Variants in GRB10 observed in about 807,000 individuals in gnomAD.
GRB10 encodes the protein growth factor receptor bound protein 10, also known as growth factor receptor-bound protein 10.
GRB10 carries 20 observed loss-of-function variants against 80.9 expected under a neutral mutation model. That is an observed-to-expected ratio of 0.25 (90% CI 0.17 to 0.36). The LOEUF is 0.36. GRB10 is among the 10% of genes least tolerant of loss of function. The pLI, the probability that GRB10 is intolerant of heterozygous loss-of-function variation, is 1.00. For missense variants in GRB10, 548 were observed against 747.7 expected (o/e 0.73, Z 3.12); for synonymous variants, 291 against 291.5 (o/e 1.00, Z 0.02).
intron 5 of GRB10, among the ~76,000 whole-genome samples, chr7:50,701,652 A>G (rs1202264124): frequency 6.6e-6 from 1 of 152,142 alleles, no homozygotes; most frequent in Non-Finnish European, 1.5e-5. Flanking sequence ...TTTTTTCTCA[A>G]TCTTTGCCTG....
rs565628245 is a variant in GRB10 at position 50,645,726 on chromosome 7, G to A, written c.505-18748C>T. 14 of 567,004 alleles carry A rather than the reference G, an allele frequency of 2.5e-5. No homozygotes were observed. The East Asian group carries it at 1.3e-3, about 52-fold the overall frequency. The allele number at this position is 567,004 out of a possible 1,614,324, so 35.1% of individuals were successfully genotyped here. On this transcript the variant is annotated intron_variant, in intron 7 of 18. Coordinates refer to ENST00000401949, the MANE Select transcript of GRB10 (RefSeq NM_001350814.2). ...CTCCCAGACAGGCTCAGTAAACATC[G>A]TCTAGAGTTTCTTGAAACTACAGAA...
intron 7 of GRB10, among the ~76,000 whole-genome samples, chr7:50,666,626 C>G (rs1421463390): frequency 2.6e-5 from 4 of 152,208 alleles, no homozygotes; most frequent in Non-Finnish European, 5.9e-5. Flanking sequence ...GGGGGCTCAG[C>G]ATGCTGTGAG....
chr7:50,673,381 A>T (rs982728017), intron 6 of GRB10, among the ~76,000 whole-genome samples: 1 of 152,092 alleles, frequency 6.6e-6, no homozygotes, highest in African/African-American at 2.4e-5. Context: ...TTCTACAAAG[A>T]TCTTCATTCA....
chr7:50,685,663 T>G (rs1586863267), intron 5 of GRB10, among the ~76,000 whole-genome samples: 1 of 152,160 alleles, frequency 6.6e-6, no homozygotes. Flanking sequence ...AGGATGGTTA[T>G]GCACACTGCT....
intron 5 of GRB10, among the ~76,000 whole-genome samples, chr7:50,700,155 T>C (rs11974180): frequency 0.014 from 2,153 of 152,094 alleles, 31 homozygotes; most frequent in Middle Eastern, 0.054. Context: ...AAAAGAGAAA[T>C]TGTTTCTTTC....
chr7:50,636,145 T>G (rs928291430), intron 7 of GRB10, among the ~76,000 whole-genome samples: 5 of 151,968 alleles, frequency 3.3e-5, no homozygotes, highest in African/African-American at 1.2e-4. Flanking sequence ...ACCTGGCTAA[T>G]TTTTGTATTT....
Position 50,648,318 on chromosome 7 carries a change from G to A in GRB10, c.505-21340C>T, listed in dbSNP as rs138401239. Among the ~76,000 whole-genome samples the A allele has an allele frequency of 2.0e-3, 298 of 152,226 alleles. 5 individuals carry two copies. In the East Asian group the frequency reaches 0.039, roughly 20 times the overall value. On this transcript the variant is annotated intron_variant, in intron 7 of 18. Coordinates refer to ENST00000401949, the MANE Select transcript of GRB10 (RefSeq NM_001350814.2). The stretch of plus-strand genomic sequence containing the variant: ...CGGCAAGCGGAAGACAGAGAACCCC[G>A]CTGGCTTTAGCCATGTGGATGCCAC...
intron 4 of GRB10, among the ~76,000 whole-genome samples, chr7:50,713,431 C>T (rs561201481): frequency 1.3e-5 from 2 of 151,620 alleles, no homozygotes; most frequent in East Asian, 3.9e-4. Flanking sequence ...CTACCACCCC[C>T]ACCATCATTT....
At chr7:50,688,222 ACATCTTT>A (rs2062339674) in intron 5 of GRB10, among the ~76,000 whole-genome samples, 1 of 152,224 alleles carries the variant, frequency 6.6e-6, no homozygotes, top group Non-Finnish European at 1.5e-5. Flanking sequence ...TACAAATCCA[ACATCTTT>A]CAGTTTTCCC....
intron 6 of GRB10, among the ~76,000 whole-genome samples, chr7:50,673,231 G>T (rs2060543014): frequency 6.6e-6 from 1 of 152,158 alleles, no homozygotes; most frequent in South Asian, 2.1e-4. Flanking sequence ...GAGGGCAAGG[G>T]GCAGTCCCAG....
At chr7:50,745,527 C>T (rs897474889) in intron 3 of GRB10, among the ~76,000 whole-genome samples, 3 of 152,158 alleles carry the variant, frequency 2.0e-5, no homozygotes, top group Non-Finnish European at 4.4e-5. Flanking sequence ...CCCACTGGTC[C>T]GGAAGCACTG....
At chr7:50,741,394 A>G (rs1023383147) in intron 3 of GRB10, among the ~76,000 whole-genome samples, 3 of 152,170 alleles carry the variant, frequency 2.0e-5, no homozygotes, top group Admixed American at 1.3e-4. Flanking sequence ...ACACGGCCCC[A>G]AGGAAAAACC....
chr7:50,643,991 C>G (rs2056743038), intron 7 of GRB10, among the ~76,000 whole-genome samples: 1 of 152,154 alleles, frequency 6.6e-6, no homozygotes, highest in Admixed American at 6.5e-5. Context: ...CCTCTCTTCA[C>G]TCAGCATCTC....
intron 3 of GRB10, among the ~76,000 whole-genome samples, chr7:50,749,836 A>G (rs145226630): frequency 5.4e-4 from 82 of 152,336 alleles, no homozygotes; most frequent in African/African-American, 1.9e-3. Context: ...CCACAGCTCT[A>G]TTACTTCTGA....
chr7:50,713,674 T>A (rs2066325606), intron 4 of GRB10, among the ~76,000 whole-genome samples: 4 of 49,366 alleles, frequency 8.1e-5, no homozygotes, highest in South Asian at 7.6e-4. Context: ...CACCACCACC[T>A]CCACCTCCTC....
At chr7:50,659,773 G>T (rs1378866993) in intron 7 of GRB10, among the ~76,000 whole-genome samples, 1 of 152,222 alleles carries the variant, frequency 6.6e-6, no homozygotes, top group Non-Finnish European at 1.5e-5. Flanking sequence ...CACGCCGGAG[G>T]GCATAAATGA....
chr7:50,792,887 C>G, intron 1 of GRB10: 1 of 148,622 alleles, frequency 6.7e-6, no homozygotes, highest in Non-Finnish European at 1.5e-5. Context: ...CAAGATGGTT[C>G]AAGAATGCAC....
chr7:50,687,792 G>A (rs527861498), intron 5 of GRB10, among the ~76,000 whole-genome samples: 43 of 152,344 alleles, frequency 2.8e-4, no homozygotes, highest in East Asian at 1.9e-4. Flanking sequence ...TGCTTGGTGG[G>A]ATGCTGGGCG....
chr7:50,714,618 G>C lies in GRB10; in HGVS notation c.52-10710C>G, dbSNP rs561486844. Among the ~76,000 whole-genome samples the C allele has an allele frequency of 8.2e-4, 124 of 151,708 alleles. 1 individual carries two copies. Among genetic ancestry groups the C allele is most frequent in the African/African-American group, 2.8e-3 (118 of 41,408 alleles). ...GCGGAGCTTGCAGTGAGCCGAGATT[G>C]CACCACTGCACTCCAGCCTGGGCTA... is the stretch of plus-strand genomic sequence containing the variant. On this transcript the variant is annotated intron_variant, in intron 4 of 18. Transcript: ENST00000401949.
Sources: allele counts gnomAD v4.1 joint callset (sites outside exome capture counted in the v4.1 genomes callset), GRCh38; gene constraint gnomAD v4.1.1; transcripts MANE v1.5; gene names NCBI Gene and HGNC (gene_info 2026-07-23, HGNC 2026-07-21).